FHIT: variants seen among roughly 807,000 people sequenced by gnomAD.
FHIT encodes the protein bis(5'-adenosyl)-triphosphatase.
Under a neutral mutation model 17.9 loss-of-function variants are expected in FHIT, and 19 were observed. The observed-to-expected ratio is 1.06, with a 90% CI of 0.74 to 1.56. The LOEUF (loss-of-function observed/expected upper bound fraction) is 1.56. Ranked by LOEUF, FHIT falls within the 40% of genes most tolerant of loss-of-function variation. The pLI, the probability that FHIT is intolerant of heterozygous loss-of-function variation, is 0.00. For synonymous variants in FHIT, 81 were observed against 69.7 expected (o/e 1.16, Z -0.81); for missense variants, 248 against 189.2 (o/e 1.31, Z -1.82).
intron 7 of FHIT, among the ~76,000 whole-genome samples, chr3:59,987,735 G>A (rs1709048723): frequency 6.6e-6 from 1 of 151,908 alleles, no homozygotes; most frequent in South Asian, 2.1e-4. Flanking sequence ...TTTGAAAGAA[G>A]AGTTTGGGGC....
intron 5 of FHIT, among the ~76,000 whole-genome samples, chr3:60,167,249 T>C (rs1028014725): frequency 7.9e-5 from 12 of 152,246 alleles, no homozygotes; most frequent in African/African-American, 2.7e-4. Context: ...TTAAGCCTCA[T>C]AGATATCCCA....
At chr3:60,482,376 C>T (rs1442991377) in intron 5 of FHIT, among the ~76,000 whole-genome samples, 13 of 152,130 alleles carry the variant, frequency 8.5e-5, no homozygotes, top group African/African-American at 2.4e-4. Flanking sequence ...CAACAGAATA[C>T]ACATTCTTCT....
intron 3 of FHIT, among the ~76,000 whole-genome samples, chr3:60,999,739 C>T (rs985777930): frequency 6.6e-6 from 1 of 151,782 alleles, no homozygotes; most frequent in East Asian, 1.9e-4. Flanking sequence ...AGGAGAAGTC[C>T]CAATGGTAGC....
chr3:59,843,898 T>C (rs1559654224), intron 8 of FHIT, among the ~76,000 whole-genome samples: 1 of 152,152 alleles, frequency 6.6e-6, no homozygotes, highest in African/African-American at 2.4e-5. Context: ...AGATGAGTCC[T>C]AGTGGGAGGT....
At chr3:60,651,544 T>G (rs2039990879) in intron 4 of FHIT, among the ~76,000 whole-genome samples, 1 of 151,842 alleles carries the variant, frequency 6.6e-6, no homozygotes, top group African/African-American at 2.4e-5. Flanking sequence ...ATCCAATCTT[T>G]TTTTTTTTCA....
chr3:60,016,611 A>T (rs1352416037), intron 5 of FHIT, among the ~76,000 whole-genome samples: 1 of 152,240 alleles, frequency 6.6e-6, no homozygotes, highest in Non-Finnish European at 1.5e-5. Flanking sequence ...CAGTGTAAAC[A>T]GATCATTACA....
intron 5 of FHIT, among the ~76,000 whole-genome samples, chr3:60,093,804 C>T (rs1703829355): frequency 6.6e-6 from 1 of 152,172 alleles, no homozygotes; most frequent in Admixed American, 6.5e-5. Context: ...CCACTCCCTC[C>T]ACCACCGGGT....
chr3:60,023,641 G>A (rs1559557047), intron 5 of FHIT, among the ~76,000 whole-genome samples: 1 of 152,132 alleles, frequency 6.6e-6, no homozygotes, highest in Non-Finnish European at 1.5e-5. Context: ...CTATAAATAT[G>A]AAAGGAAAGA....
At chr3:61,217,692 T>C (rs1278817489) in intron 1 of FHIT, among the ~76,000 whole-genome samples, 1 of 152,166 alleles carries the variant, frequency 6.6e-6, no homozygotes, top group Non-Finnish European at 1.5e-5. Flanking sequence ...AATGTGCTGA[T>C]GTGATCACCT....
intron 5 of FHIT, among the ~76,000 whole-genome samples, chr3:60,221,145 T>A (rs1703940080): frequency 6.6e-6 from 1 of 152,182 alleles, no homozygotes; most frequent in African/African-American, 2.4e-5. Context: ...TGGTCCCAAA[T>A]GCTAAATGGA....
intron 7 of FHIT, among the ~76,000 whole-genome samples, chr3:59,936,926 C>A (rs1237528468): frequency 6.6e-6 from 1 of 152,118 alleles, no homozygotes; most frequent in East Asian, 1.9e-4. Context: ...CTTTCCAGTG[C>A]TAACAAAGAA....
chr3:60,284,352 T>C (rs1469158846), intron 5 of FHIT, among the ~76,000 whole-genome samples: 3 of 152,048 alleles, frequency 2.0e-5, no homozygotes, highest in African/African-American at 7.2e-5. Flanking sequence ...AAACAAAATA[T>C]CCTCACTGAA....
At chr3:61,244,290 G>T (rs1003863298) in intron 1 of FHIT, 5 of 152,206 alleles carry the variant, frequency 3.3e-5, no homozygotes, top group African/African-American at 1.2e-4. Flanking sequence ...AGAGCCACTA[G>T]TTGGAAAGCA....
intron 7 of FHIT, among the ~76,000 whole-genome samples, chr3:59,975,262 G>C (rs1708358632): frequency 6.6e-6 from 1 of 151,960 alleles, no homozygotes; most frequent in Non-Finnish European, 1.5e-5. Context: ...CAAAAGCTTG[G>C]GCCTCAGAGT....
intron 4 of FHIT, chr3:60,732,750 A>C (rs1475894977): frequency 3.6e-6 from 1 of 277,214 alleles, no homozygotes; most frequent in South Asian, 3.8e-5. Flanking sequence ...GCAGCGGCAC[A>C]ATCTCGGCTC....
At chr3:60,230,867 C>A (rs548186261) in intron 5 of FHIT, among the ~76,000 whole-genome samples, 1 of 152,186 alleles carries the variant, frequency 6.6e-6, no homozygotes, top group East Asian at 1.9e-4. Context: ...TAAACCACCA[C>A]GTCTGGCTAA....
intron 5 of FHIT, among the ~76,000 whole-genome samples, chr3:60,280,031 CAAAAA>C (rs34574670): frequency 5.1e-5 from 6 of 117,456 alleles, no homozygotes; most frequent in Non-Finnish European, 1.1e-4. Flanking sequence ...GACTCTGTCT[CAAAAA>C]AAAAAAAAAA....
chr3:60,267,399 G>A (rs916308297), intron 5 of FHIT, among the ~76,000 whole-genome samples: 2 of 151,770 alleles, frequency 1.3e-5, no homozygotes, highest in Non-Finnish European at 2.9e-5. Flanking sequence ...AAAATACCAT[G>A]GAAAAATTAT....
At chr3:60,747,517 C>A (rs2042383174) in intron 4 of FHIT, among the ~76,000 whole-genome samples, 1 of 152,146 alleles carries the variant, frequency 6.6e-6, no homozygotes, top group Non-Finnish European at 1.5e-5. Context: ...ACTTGATACC[C>A]AACTCCAAGG....
Sources: allele counts gnomAD v4.1 joint callset (sites outside exome capture counted in the v4.1 genomes callset), GRCh38; gene constraint gnomAD v4.1.1; transcripts MANE v1.5; gene names NCBI Gene and HGNC (gene_info 2026-07-23, HGNC 2026-07-21).